PTRH1: variants seen among roughly 807,000 people sequenced by gnomAD.
PTRH1 encodes peptidyl-tRNA hydrolase.
Under a neutral mutation model 15.7 loss-of-function variants are expected in PTRH1, and 13 were observed. That is an observed-to-expected ratio of 0.83 (90% CI 0.54 to 1.31). The LOEUF (loss-of-function observed/expected upper bound fraction) is 1.31, where lower values mean the gene tolerates loss of function less well. Among genes scored for constraint, PTRH1 ranks in the 40% most tolerant of loss-of-function variants. The pLI is 0.00. For missense variants in PTRH1, 319 were observed against 296.2 expected, an observed-to-expected ratio of 1.08 and a Z score of -0.56; for synonymous variants, 139 against 136.7, an observed-to-expected ratio of 1.02 and a Z score of -0.12.
intron 1 of PTRH1, among the ~76,000 whole-genome samples, chr9:127,696,219 C>G (rs1308509974): frequency 6.6e-6 from 1 of 152,070 alleles, no homozygotes; most frequent in Non-Finnish European, 1.5e-5. Context: ...GCCTGTAGTC[C>G]CAGCTACTCA....
At chr9:127,712,600 CACAG>C (rs748180352), downstream of PTRH1, 3 of 1,589,344 alleles carry the variant, frequency 1.9e-6, no homozygotes, top group South Asian at 3.4e-5. Context: ...GGTATCCCAC[CACAG>C]ACAGGGAAAA....
rs1291023107 is a variant in PTRH1, at chr9:127,715,480, G to C, written c.96+64C>G. 1.2e-6 allele frequency: 2 copies of C among 1,607,354 alleles called. No homozygotes were observed. Among genetic ancestry groups the C allele is most frequent in the South Asian group, 2.2e-5 (2 of 90,656 alleles). ...CAATTTGGGGGCACTCGGCTCCCGG[G>C]ACATAATGGCCGAACTGAAGCTAGG... On this transcript the variant is annotated intron_variant, in intron 1 of 4. Transcript: ENST00000543175. The surrounding 1 kb of genome is among the most constrained non-coding windows in gnomAD (Gnocchi z 5.8).
chr9:127,714,941 G>GCCCC, intron 2 of PTRH1, 34 bp downstream of exon 2: 2 of 446,380 alleles, frequency 4.5e-6, no homozygotes, highest in Non-Finnish European at 4.1e-6. Flanking sequence ...CACCCCCTTG[G>GCCCC]CCCGCCCGCC....
chr9:127,709,674 C>T (rs754390603), downstream of PTRH1: 2 of 1,613,478 alleles, frequency 1.2e-6, no homozygotes, highest in Non-Finnish European at 1.7e-6. This position sits in a 1 kb window ranked among gnomAD's most constrained non-coding sequence, Gnocchi z 4.7. Context: ...ACCAGCTCAC[C>T]ACGGAGAACA....
At chr9:127,704,120 A>C (rs541791216) in intron 1 of PTRH1, among the ~76,000 whole-genome samples, 40 of 152,346 alleles carry the variant, frequency 2.6e-4, no homozygotes, top group African/African-American at 9.4e-4. Flanking sequence ...GGTTAGGGGG[A>C]GAAATGGTGT....
chr9:127,707,118 G>A (rs1176424858), intron 1 of PTRH1: 2 of 1,613,490 alleles, frequency 1.2e-6, no homozygotes, highest in Non-Finnish European at 1.7e-6. Context: ...TGGTGGCCGT[G>A]GAGCCGCCTC....
At chr9:127,700,380 C>T (rs1346160071) in intron 1 of PTRH1, among the ~76,000 whole-genome samples, 1 of 152,190 alleles carries the variant, frequency 6.6e-6, no homozygotes, top group African/African-American at 2.4e-5. Context: ...CCTGGCTCCT[C>T]CTTGTGCTTT....
intron 1 of PTRH1, among the ~76,000 whole-genome samples, chr9:127,697,921 A>G (rs959236692): frequency 1.3e-5 from 2 of 152,198 alleles, no homozygotes; most frequent in African/African-American, 4.8e-5. Flanking sequence ...CACAGACAAA[A>G]CAAGAAAAAA....
downstream of PTRH1, chr9:127,712,070 A>G: frequency 6.7e-7 from 1 of 1,494,782 alleles, no homozygotes; most frequent in Non-Finnish European, 9.0e-7. Flanking sequence ...AGCCTGCCAG[A>G]CAGGCTGAGG....
chr9:127,701,862 CA>C (rs1056934678), intron 1 of PTRH1, among the ~76,000 whole-genome samples: 1 of 151,094 alleles, frequency 6.6e-6, no homozygotes, highest in African/African-American at 2.4e-5. Flanking sequence ...TGCAGTGAGC[CA>C]AGATCGCACC....
downstream of PTRH1, chr9:127,711,980 C>G: frequency 6.3e-7 from 1 of 1,587,550 alleles, no homozygotes; most frequent in Non-Finnish European, 8.6e-7. Flanking sequence ...GGGCGGGCGG[C>G]GGGTGCAGGC....
downstream of PTRH1, chr9:127,711,934 G>A (rs1158293058): frequency 3.7e-6 from 6 of 1,606,208 alleles, no homozygotes; most frequent in African/African-American, 6.7e-5. Flanking sequence ...GCTGCAGGTG[G>A]ATAACCAGGC....
chr9:127,715,609 G>C lies in PTRH1; in HGVS notation c.31C>G (p.Gln11Glu). 2 of 1,612,968 alleles carry C rather than the reference G, an allele frequency of 1.2e-6. No homozygotes were observed. The highest frequency in any genetic ancestry group is 2.7e-5 in the African/African-American group (2 of 75,060). The stretch of plus-strand genomic sequence containing the variant: ...CGGCTCATGGCTCTACTCAGCCGCT[G>C]TCCGGCGCCCAAAAAGCCGCCCGGC... MRPGGFLGAGQRLSRAMSRCV... is the reference protein window; with the variant it reads MRPGGFLGAGERLSRAMSRCV... The change falls in exon 1 of 5, where the codon CAG (glutamine) becomes GAG (glutamate). Residue 11 changes from glutamine to glutamate, a missense_variant. Transcript: ENST00000543175. This position sits in a 1 kb window ranked among gnomAD's most constrained non-coding sequence, Gnocchi z 5.8.
In PTRH1 at chr9:127,707,072, T is replaced by C. The variant is rs1223206311; in HGVS notation, c.205+8363A>G. 3.1e-6 allele frequency: 5 copies of C among 1,613,762 alleles called. No individual in the cohort carries two copies. The African/African-American group carries it at 4.0e-5, about 13-fold the overall frequency. ...AGTGTGAGCAAGGCAGGCAAGGAGC[T>C]TGAAGTCAAGAAGAAAGGGGGCAAG... On this transcript the variant is annotated intron_variant, in intron 1 of 2. Coordinates refer to the PTRH1 transcript ENST00000335223.
chr9:127,710,741 C>T, downstream of PTRH1: 1 of 1,566,518 alleles, frequency 6.4e-7, no homozygotes, highest in Non-Finnish European at 8.7e-7. Flanking sequence ...GAAGTCGGTG[C>T]TGGACAAGGA....
chr9:127,706,217 A>C (rs2131581031), intron 1 of PTRH1, among the ~76,000 whole-genome samples: 1 of 152,026 alleles, frequency 6.6e-6, no homozygotes, highest in Middle Eastern at 3.4e-3. Context: ...TCTCATCACC[A>C]ACAGTAAAAA....
chr9:127,700,305 C>T (rs1588383112), intron 1 of PTRH1, among the ~76,000 whole-genome samples: 1 of 152,132 alleles, frequency 6.6e-6, no homozygotes, highest in African/African-American at 2.4e-5. Context: ...TTCCACCTCC[C>T]ACCCACACCC....
Position 127,695,169 on chromosome 9 carries a change from T to C in PTRH1, c.206-28A>G, listed in dbSNP as rs570581708. The C allele has an allele frequency of 8.9e-6, 6 of 675,270 alleles. No individual in the cohort carries two copies. The African/African-American group carries it at 1.1e-4, about 12-fold the overall frequency. 41.8% of individuals were successfully genotyped at this position (675,270 alleles called of 1,614,324 possible). ...GGGGAGAAAAGAATAAATAGTCTCATAAATTTAAAAAAGCCCAATGCTCAT... is the reference window on the plus strand; with the variant it reads ...GGGGAGAAAAGAATAAATAGTCTCACAAATTTAAAAAAGCCCAATGCTCAT... On this transcript the variant is annotated intron_variant, in intron 1 of 2. Coordinates refer to the PTRH1 transcript ENST00000335223.
At position 127,714,986 on chromosome 9, in the gene PTRH1, ACG is replaced by A. The variant is rs1842910580; in HGVS notation, c.303_304del (p.Val102GlyfsTer19). 1 of 878,126 alleles carries A rather than the reference ACG, an allele frequency of 1.1e-6. No homozygotes were observed. The highest frequency in any genetic ancestry group is 1.7e-5 in the South Asian group (1 of 60,352). 54.4% of individuals were successfully genotyped at this position (878,126 alleles called of 1,614,324 possible). On this transcript the variant is annotated frameshift_variant, in exon 2 of 5. Transcript: ENST00000543175. LOFTEE classifies it high-confidence loss of function. ...CGCTCTCAACTCACCAGCCCGGGCC[ACG>A]CTGCGCCCGTTGGCGTTCATAAGCC...
Sources: gnomAD v4.1 joint callset for allele counts (sites outside exome capture counted in the v4.1 genomes callset) on GRCh38, gnomAD v4.1.1 for gene constraint, Gnocchi (gnomAD v3.1) non-coding constraint, MANE v1.5 for transcripts, NCBI Gene and HGNC (gene_info 2026-07-23, HGNC 2026-07-21) for gene names.